STARD9: variants seen among roughly 807,000 people sequenced by gnomAD.
The protein encoded by STARD9 is stAR-related lipid transfer protein 9.
STARD9 carries 346 observed loss-of-function variants against 399.8 expected under a neutral mutation model. That is an observed-to-expected ratio of 0.87 (90% CI 0.79 to 0.95). The LOEUF (loss-of-function observed/expected upper bound fraction) is 0.95, where lower values mean the gene tolerates loss of function less well. STARD9 is among the 40% of genes least tolerant of loss of function. The probability of loss-of-function intolerance (pLI) is 0.00; values close to 1 mark genes in which losing one functional copy is unlikely to be tolerated. For synonymous variants in STARD9, 2,203 were observed against 2,143.5 expected (o/e 1.03, Z -0.77); for missense variants, 5,832 against 5,667.5 (o/e 1.03, Z -0.93).
chr15:42,595,824 G>A (rs2058491660), intron 3 of STARD9, among the ~76,000 whole-genome samples: 1 of 152,220 alleles, frequency 6.6e-6, no homozygotes, highest in South Asian at 2.1e-4. Flanking sequence ...CTGAGTGGAA[G>A]ATGGGAGGGG....
intron 26 of STARD9, among the ~76,000 whole-genome samples, chr15:42,700,856 A>G (rs2060950119): frequency 6.6e-6 from 1 of 152,136 alleles, no homozygotes; most frequent in Non-Finnish European, 1.5e-5. Context: ...GTCCAATGTC[A>G]TAAAGCATTT....
intron 18 of STARD9, chr15:42,675,460 C>T: frequency 3.6e-6 from 2 of 559,026 alleles, no homozygotes; most frequent in Admixed American, 3.3e-5. Flanking sequence ...CTTCCTTTCC[C>T]TTGGAATAGT....
intron 9 of STARD9, among the ~76,000 whole-genome samples, chr15:42,656,213 GT>G (rs1451334465): frequency 1.3e-5 from 2 of 151,502 alleles, no homozygotes; most frequent in Non-Finnish European, 2.9e-5. Context: ...AAAATTTGCT[GT>G]TGCGCTCCTG....
intron 7 of STARD9, among the ~76,000 whole-genome samples, chr15:42,649,030 C>G (rs140632314): frequency 6.6e-6 from 1 of 151,986 alleles, no homozygotes; most frequent in South Asian, 2.1e-4. Context: ...CACACCTAGC[C>G]TCCATTTTTT....
rs759706411 is a variant in STARD9, at chr15:42,669,262, C to G, written c.1422C>G (p.Ile474Met). The G allele has an allele frequency of 1.4e-5, 22 of 1,536,910 alleles. No individual in the cohort carries two copies. The highest frequency in any genetic ancestry group is 2.7e-5 in the African/African-American group (2 of 73,046). ...DINRRRAGVV[I>M]DSSLPHLMAL... Reference sequence around the variant, plus strand: ...ACAGGAGGAGGGCTGGGGTGGTCATCGACTCCAGCCTGCCACACTTGATGG... The same window carrying G: ...ACAGGAGGAGGGCTGGGGTGGTCATGGACTCCAGCCTGCCACACTTGATGG... Residue 474 changes from isoleucine (I) to methionine (M), a missense_variant, in exon 16 of 33, where the codon ATC becomes ATG. Coordinates refer to ENST00000290607, the MANE Select transcript of STARD9 (RefSeq NM_020759.3).
intron 26 of STARD9, among the ~76,000 whole-genome samples, chr15:42,699,059 A>T: frequency 6.6e-6 from 1 of 152,262 alleles, no homozygotes; most frequent in Middle Eastern, 3.4e-3. Flanking sequence ...ATTGACACAT[A>T]ATGTAAATAT....
intron 3 of STARD9, among the ~76,000 whole-genome samples, chr15:42,624,655 T>C (rs2059161050): frequency 6.6e-6 from 1 of 152,022 alleles, no homozygotes; most frequent in Non-Finnish European, 1.5e-5. Flanking sequence ...TTCAAGTGAT[T>C]CTTCTGCCCA....
Position 42,692,662 on chromosome 15 carries a change from T to C in STARD9, c.11084T>C (p.Leu3695Pro), listed in dbSNP as rs1361940882. 1.0e-5 allele frequency: 16 copies of C among 1,537,184 alleles called. No homozygotes were observed. The highest frequency in any genetic ancestry group is 4.8e-5 in the South Asian group (4 of 84,060). ...CTCCTGCACAGTACCTCAGAGCTGC[T>C]TGGGAGTCTCTCCCAGCCAGATGTG... The part of the protein sequence containing the change: ...SQLLHSTSEL[L>P]GSLSQPDVAR... The change falls in exon 23 of 33, where the codon CTT (leucine) becomes CCT (proline). Residue 3695 changes from leucine (L) to proline (P), a missense_variant. By Grantham distance (98) the Leu-to-Pro change is moderately conservative (BLOSUM62 -3). This residue lies in a region of STARD9 where 5,828 missense variants were observed against 5,651.1 expected (regional missense o/e 1.03). Transcript: ENST00000290607.
chr15:42,664,819 CA>C (rs2060059954), intron 13 of STARD9, among the ~76,000 whole-genome samples: 9 of 150,656 alleles, frequency 6.0e-5, no homozygotes, highest in African/African-American at 1.7e-4. Flanking sequence ...CACACACACA[CA>C]CACACCCCAT....
chr15:42,575,819 G>C, intron 1 of STARD9, 57 bp downstream of exon 1: 2 of 1,496,630 alleles, frequency 1.3e-6, no homozygotes, highest in Admixed American at 2.0e-5. Flanking sequence ...AAGAGCGGGA[G>C]GTCCGCGTCT....
chr15:42,683,481 TA>T (rs1458053563), intron 22 of STARD9, among the ~76,000 whole-genome samples: 1 of 152,214 alleles, frequency 6.6e-6, no homozygotes, highest in Non-Finnish European at 1.5e-5. Flanking sequence ...ACTTTTCTTG[TA>T]ACCACAATGT....
intron 3 of STARD9, among the ~76,000 whole-genome samples, chr15:42,588,607 A>G (rs1323407657): frequency 2.0e-5 from 3 of 152,040 alleles, no homozygotes; most frequent in African/African-American, 7.3e-5. Context: ...TCTACATGAT[A>G]CAATCAGAGG....
At chr15:42,642,474 C>T (rs1232578055) in intron 7 of STARD9, among the ~76,000 whole-genome samples, 2 of 152,136 alleles carry the variant, frequency 1.3e-5, no homozygotes. Flanking sequence ...TTACTGTGGC[C>T]TTTATTTTAA....
At chr15:42,604,068 A>G (rs1009773741) in intron 3 of STARD9, among the ~76,000 whole-genome samples, 2 of 152,176 alleles carry the variant, frequency 1.3e-5, no homozygotes, top group African/African-American at 4.8e-5. Flanking sequence ...TTTCAAAGTT[A>G]AACTATAAAT....
chr15:42,671,097 G>A (rs1595742656), intron 16 of STARD9: 1 of 149,222 alleles, frequency 6.7e-6, no homozygotes, highest in Non-Finnish European at 1.5e-5. Context: ...GGAGATGAAT[G>A]ATGAACTCAT....
At chr15:42,601,173 C>G (rs1004356009) in intron 3 of STARD9, among the ~76,000 whole-genome samples, 1 of 151,994 alleles carries the variant, frequency 6.6e-6, no homozygotes, top group African/African-American at 2.4e-5. Context: ...TCAGAGAGCA[C>G]GGGTTGGGGG....
intron 26 of STARD9, among the ~76,000 whole-genome samples, chr15:42,699,216 A>G (rs1052071647): frequency 6.6e-6 from 1 of 151,952 alleles, no homozygotes; most frequent in Non-Finnish European, 1.5e-5. Context: ...AATATACATT[A>G]TATTGTTATT....
intron 26 of STARD9, among the ~76,000 whole-genome samples, chr15:42,706,323 A>G (rs1251986350): frequency 6.6e-6 from 1 of 151,852 alleles, no homozygotes; most frequent in Non-Finnish European, 1.5e-5. Flanking sequence ...TCGTTCCTTT[A>G]TATCTTCTGA....
Position 42,693,010 on chromosome 15 carries a change from G to T in STARD9, c.11432G>T (p.Ser3811Ile). The T allele has an allele frequency of 1.3e-6, 2 of 1,537,188 alleles. No homozygotes were observed. Among genetic ancestry groups the T allele is most frequent in the Non-Finnish European group, 1.7e-6 (2 of 1,146,896 alleles). The change falls in exon 23 of 33, where the codon AGC (serine) becomes ATC (isoleucine). Residue 3811 changes from serine to isoleucine, a missense_variant. Transcript: ENST00000290607. ...GAAAGCACTCCCTACAAGCCCCAGA[G>T]CCCTTCAATACCCTCATCCCACTTG... ...QEESTPYKPQ[S>I]PSIPSSHLRF...
Sources: gnomAD v4.1 joint callset for allele counts (sites outside exome capture counted in the v4.1 genomes callset) on GRCh38, gnomAD v4.1.1 for gene constraint, gnomAD v4.1.1 regional missense constraint, MANE v1.5 for transcripts, NCBI Gene and HGNC (gene_info 2026-07-23, HGNC 2026-07-21) for gene names.